Variants in MIOS observed in about 807,000 individuals in gnomAD.
MIOS encodes GATOR2 complex protein MIOS.
Under a neutral mutation model 96.9 loss-of-function variants are expected in MIOS, and 52 were observed. That is an observed-to-expected ratio of 0.54 (90% CI 0.43 to 0.68). The LOEUF is 0.68. Among genes scored for constraint, MIOS ranks in the 30% least tolerant of loss-of-function variants. MIOS has a pLI of 0.00. For missense variants in MIOS, 1,005 were observed against 1,052.8 expected, an observed-to-expected ratio of 0.95 and a Z score of 0.63; for synonymous variants, 397 against 359.5, an observed-to-expected ratio of 1.10 and a Z score of -1.18.
At position 7,607,620 on chromosome 7, in the gene MIOS, T is replaced by C. The variant is rs1784567502; in HGVS notation, c.*528T>C. ...CACTGGAGAATATTTTTTATTACTG[T>C]CTGTTATATATGTGTCTATGTGTGT... On this transcript the variant is annotated 3_prime_UTR_variant, in exon 13 of 13. Transcript: ENST00000340080. 1 of 152,992 alleles carries C rather than the reference T, an allele frequency of 6.5e-6. No homozygotes were observed. The highest frequency in any genetic ancestry group is 2.4e-5 in the African/African-American group (1 of 41,454). The allele number at this position is 152,992 out of a possible 1,614,324, so 9.5% of individuals were successfully genotyped here.
intron 11 of MIOS, 84 bp downstream of exon 11, chr7:7,596,545 T>A (rs187344140): frequency 7.8e-7 from 1 of 1,280,078 alleles, no homozygotes; most frequent in South Asian, 1.3e-5. Context: ...AAATACAAAC[T>A]AGCTAGAGTT....
chr7:7,569,033 G>A (rs919799529), intron 3 of MIOS, among the ~76,000 whole-genome samples: 1 of 152,188 alleles, frequency 6.6e-6, no homozygotes, highest in Non-Finnish European at 1.5e-5. Flanking sequence ...TAGACCATTG[G>A]TATAAAGAGT....
intron 8 of MIOS, among the ~76,000 whole-genome samples, 199 bp from the exon 9 acceptor site, chr7:7,589,206 A>T (rs1269156170): frequency 6.6e-6 from 1 of 152,190 alleles, no homozygotes; most frequent in Admixed American, 6.5e-5. Context: ...ATGCCTTTTT[A>T]AAATATTTTA....
At chr7:7,571,030 A>G (rs910196369) in intron 3 of MIOS, among the ~76,000 whole-genome samples, 2 of 152,230 alleles carry the variant, frequency 1.3e-5, no homozygotes, top group Non-Finnish European at 2.9e-5. Flanking sequence ...TGAACTATTT[A>G]GTGTATCCTT....
chr7:7,590,322 G>A (rs1161820930), intron 9 of MIOS, among the ~76,000 whole-genome samples: 1 of 152,098 alleles, frequency 6.6e-6, no homozygotes, highest in African/African-American at 2.4e-5. Context: ...AATGTATCAA[G>A]CCACTGCCCA....
At chr7:7,580,750 G>A (rs1783688902) in intron 5 of MIOS, among the ~76,000 whole-genome samples, 1 of 144,324 alleles carries the variant, frequency 6.9e-6, no homozygotes, top group Non-Finnish European at 1.5e-5. Context: ...AGGCTGGTGC[G>A]ATCTCGGCTC....
intron 1 of MIOS, 140 bp downstream of exon 1, chr7:7,567,212 G>T (rs1004692938): frequency 6.6e-6 from 1 of 152,270 alleles, no homozygotes; most frequent in African/African-American, 2.4e-5. Context: ...CGCGCCGGGC[G>T]GCCGGCCGCC....
rs777832207 is a variant in MIOS at position 7,572,502 on chromosome 7, A to T, written c.27A>T (p.Leu9Phe). MSGTKPDILWAPHHVDRFV... is the reference protein window; with the variant it reads MSGTKPDIFWAPHHVDRFV... ...TGAGCGGTACCAAACCTGATATTTT[A>T]TGGGCACCACACCATGTTGATAGAT... Residue 9 changes from leucine (L) to phenylalanine (F), a missense_variant, in exon 4 of 13, where the codon TTA (leucine) becomes TTT (phenylalanine). Around this residue, in one of 3 missense-constraint regions of MIOS, gnomAD observed 137 missense variants for 148.6 expected, o/e 0.92. Transcript: ENST00000340080. This position sits in a 1 kb window ranked among gnomAD's most constrained non-coding sequence, Gnocchi z 4.8. 1.2e-6 allele frequency: 2 copies of T among 1,613,394 alleles called. No homozygotes were observed. Among genetic ancestry groups the T allele is most frequent in the African/African-American group, 2.7e-5 (2 of 74,896 alleles).
At chr7:7,602,752 G>A (rs982977433) in intron 11 of MIOS, among the ~76,000 whole-genome samples, 39 of 152,072 alleles carry the variant, frequency 2.6e-4, no homozygotes, top group Non-Finnish European at 4.9e-4. Flanking sequence ...AAAAGAGCCC[G>A]CATTGCCAAG....
intron 9 of MIOS, among the ~76,000 whole-genome samples, chr7:7,594,421 A>G (rs1784144060): frequency 6.6e-6 from 1 of 151,944 alleles, no homozygotes; most frequent in African/African-American, 2.4e-5. Flanking sequence ...CAACCTCCCA[A>G]GTAACTAGGA....
chr7:7,600,966 T>G (rs1029287823), intron 11 of MIOS, among the ~76,000 whole-genome samples: 2 of 152,192 alleles, frequency 1.3e-5, no homozygotes, highest in African/African-American at 4.8e-5. Flanking sequence ...CCTGAATGAC[T>G]ACTGGGTACA....
At chr7:7,600,332 C>A (rs550885141) in intron 11 of MIOS, among the ~76,000 whole-genome samples, 1 of 151,870 alleles carries the variant, frequency 6.6e-6, no homozygotes, top group East Asian at 1.9e-4. Flanking sequence ...ACCCGTCTCA[C>A]GTGCAGAGAC....
At chr7:7,596,554 T>C in intron 11 of MIOS, 93 bp downstream of exon 11, 4 of 1,241,668 alleles carry the variant, frequency 3.2e-6, no homozygotes, top group African/African-American at 1.5e-5. Context: ...CTAGCTAGAG[T>C]TATTATTTCT....
chr7:7,583,379 G>C lies in MIOS; in HGVS notation c.1648+7G>C, dbSNP rs1427801747. On this transcript the variant is annotated splice_region_variant and intron_variant, in intron 6 of 12. Coordinates refer to ENST00000340080, the MANE Select transcript of MIOS (RefSeq NM_019005.4). ...GGGGCATCTTCTGAAAAAGGTATTAGGTTATAAACTAAGATATTAGTTATA... is the reference window on the plus strand; with the variant it reads ...GGGGCATCTTCTGAAAAAGGTATTACGTTATAAACTAAGATATTAGTTATA... 4 of 1,572,804 alleles carry C rather than the reference G, an allele frequency of 2.5e-6. No individual in the cohort carries two copies. The highest frequency in any genetic ancestry group is 3.5e-6 in the Non-Finnish European group (4 of 1,157,782).
chr7:7,588,295 G>A (rs1048739515), intron 7 of MIOS, among the ~76,000 whole-genome samples: 1 of 152,022 alleles, frequency 6.6e-6, no homozygotes, highest in Non-Finnish European at 1.5e-5. Context: ...ACTTTGCAAG[G>A]ACAAAACCTT....
chr7:7,600,546 G>A (rs1457989203), intron 11 of MIOS, among the ~76,000 whole-genome samples: 1 of 152,116 alleles, frequency 6.6e-6, no homozygotes, highest in East Asian at 1.9e-4. Context: ...ACCCAATACA[G>A]GAGCACCCAG....
chr7:7,568,853 A>G (rs966979085), intron 3 of MIOS, among the ~76,000 whole-genome samples: 1 of 152,242 alleles, frequency 6.6e-6, no homozygotes, highest in Non-Finnish European at 1.5e-5. Context: ...AATTACTGTC[A>G]TCAGATTTTG....
chr7:7,597,235 A>G (rs1044080940), intron 11 of MIOS, among the ~76,000 whole-genome samples: 6 of 151,506 alleles, frequency 4.0e-5, no homozygotes, highest in Non-Finnish European at 7.4e-5. Context: ...CTGAGGCAGG[A>G]GAATTGCTTG....
At chr7:7,585,146 C>G (rs1206869883) in intron 6 of MIOS, among the ~76,000 whole-genome samples, 2 of 152,064 alleles carry the variant, frequency 1.3e-5, no homozygotes, top group Non-Finnish European at 2.9e-5. Flanking sequence ...TTTTGAAATA[C>G]CTTTACATTA....
Sources: allele counts gnomAD v4.1 joint callset (sites outside exome capture counted in the v4.1 genomes callset), GRCh38; gene constraint gnomAD v4.1.1; regional missense constraint gnomAD v4.1.1; non-coding constraint Gnocchi (gnomAD v3.1); transcripts MANE v1.5; gene names NCBI Gene and HGNC (gene_info 2026-07-23, HGNC 2026-07-21).